ZRANB3: variants seen among roughly 807,000 people sequenced by gnomAD.
ZRANB3 encodes the protein zinc finger RANBP2-type containing 3, also known as DNA annealing helicase and endonuclease ZRANB3.
ZRANB3 carries 125 observed loss-of-function variants against 133.8 expected under a neutral mutation model. That is an observed-to-expected ratio of 0.93 (90% CI 0.81 to 1.08). ZRANB3 has a LOEUF of 1.08. Among genes scored for constraint, ZRANB3 ranks in the 50% least tolerant of loss-of-function variants. The pLI, the probability that ZRANB3 is intolerant of heterozygous loss-of-function variation, is 0.00. For synonymous variants in ZRANB3, 387 were observed against 432.7 expected, an observed-to-expected ratio of 0.89 and a Z score of 1.31; for missense variants, 1,229 against 1,275.5, an observed-to-expected ratio of 0.96 and a Z score of 0.56.
Position 135,227,829 on chromosome 2 carries a change from G to A in ZRANB3, c.2141C>T (p.Thr714Ile), listed in dbSNP as rs1558843472. The change falls in exon 14 of 21, where the codon ACA becomes ATA. Residue 714 changes from threonine (T) to isoleucine (I), a missense_variant. Physicochemically the swap from Thr to Ile is moderately conservative, Grantham distance 89. Transcript: ENST00000264159. ...TPKIEKEDGL[T>I]SQPGNEQWKS... Reference sequence around the variant, plus strand: ...AGACTTACCATTACCTGGCTGGGATGTAAGTCCGTCTTCTTTCTCAATTTT... The same window carrying A: ...AGACTTACCATTACCTGGCTGGGATATAAGTCCGTCTTCTTTCTCAATTTT... 6.4e-7 allele frequency: 1 copy of A among 1,574,750 alleles called. No homozygotes were observed. Among genetic ancestry groups the A allele is most frequent in the South Asian group, 1.2e-5 (1 of 85,628 alleles).
rs541831268 is a variant in ZRANB3, at chr2:135,268,226, G to A, written c.1386+736C>T. Among the ~76,000 whole-genome samples, 7 of 151,882 alleles carry A rather than the reference G, an allele frequency of 4.6e-5. No homozygotes were observed. In the East Asian group the frequency reaches 9.7e-4, roughly 21 times the overall value. ...GCTGGAGTGCAATTGTTGCAATGGT[G>A]CGATCTTAGCTCACTGCAACCTCCA... On this transcript the variant is annotated intron_variant, in intron 11 of 20. Transcript: ENST00000264159.
chr2:135,434,345 A>G (rs1021547492), intron 2 of ZRANB3, among the ~76,000 whole-genome samples: 14 of 152,208 alleles, frequency 9.2e-5, no homozygotes, highest in African/African-American at 3.4e-4. Flanking sequence ...CAAAATGTCA[A>G]TGGAAAGCTA....
At position 135,257,625 on chromosome 2, in the gene ZRANB3, G is replaced by C. The variant is rs115520006; in HGVS notation, c.1539+7909C>G. ...TTATTTTAGTCATCCTAGTGGGTGT[G>C]ATGTGATAATCTCATTGTGGTTTTG... On this transcript the variant is annotated intron_variant, in intron 12 of 20. Transcript: ENST00000264159. 7.7e-3 allele frequency among the ~76,000 whole-genome samples: 1,174 copies of C among 152,230 alleles called. 14 individuals carry two copies. The highest frequency in any genetic ancestry group is 0.026 in the African/African-American group (1,060 of 41,526).
At chr2:135,293,257 C>T (rs1681858011) in intron 8 of ZRANB3, among the ~76,000 whole-genome samples, 1 of 151,956 alleles carries the variant, frequency 6.6e-6, no homozygotes, top group African/African-American at 2.4e-5. Context: ...TGTTTGTATC[C>T]TCTTTTATTT....
In ZRANB3 at chr2:135,438,505, CAAA is replaced by C. The variant is rs1157022707; in HGVS notation, c.162-47688_162-47686del. 5.0e-3 allele frequency among the ~76,000 whole-genome samples: 375 copies of C among 74,876 alleles called. 2 individuals are homozygous for C. Among genetic ancestry groups the C allele is most frequent in the African/African-American group, 0.013 (346 of 25,912 alleles). 49.1% of individuals were successfully genotyped at this position (74,876 alleles called of 152,430 possible). ...GGGTGACAAGAGCAAAACCCCGTCT[CAAA>C]AAAAAAAAAAAAAAAAATTGTTAAT... On this transcript the variant is annotated intron_variant, in intron 2 of 20. Coordinates refer to ENST00000264159, the MANE Select transcript of ZRANB3 (RefSeq NM_032143.4).
chr2:135,530,564 G>A (rs1047973083), intron 1 of ZRANB3: 1 of 152,254 alleles, frequency 6.6e-6, no homozygotes, highest in Non-Finnish European at 1.5e-5. Flanking sequence ...TCCCGCCACA[G>A]GTTTGGGACG....
At chr2:135,475,794 T>G (rs2104785845) in intron 2 of ZRANB3, among the ~76,000 whole-genome samples, 1 of 152,254 alleles carries the variant, frequency 6.6e-6, no homozygotes. Context: ...TATTAAAATT[T>G]TGGCTGGGTG....
At chr2:135,308,668 G>A (rs1682817441) in intron 8 of ZRANB3, among the ~76,000 whole-genome samples, 1 of 151,988 alleles carries the variant, frequency 6.6e-6, no homozygotes, top group Non-Finnish European at 1.5e-5. Context: ...GTCTTCCTCT[G>A]TTACTCAGCC....
chr2:135,354,689 C>T (rs1306184701), intron 3 of ZRANB3, among the ~76,000 whole-genome samples: 1 of 152,122 alleles, frequency 6.6e-6, no homozygotes, highest in Non-Finnish European at 1.5e-5. Flanking sequence ...TCTACATACT[C>T]TATGATTCTA....
intron 14 of ZRANB3, among the ~76,000 whole-genome samples, chr2:135,225,875 G>A (rs546420807): frequency 6.6e-6 from 1 of 152,302 alleles, no homozygotes; most frequent in South Asian, 2.1e-4. Context: ...GGAAGCAAGA[G>A]CTCTGCAAAT....
chr2:135,281,367 CTT>C, intron 8 of ZRANB3, among the ~76,000 whole-genome samples: 1 of 151,224 alleles, frequency 6.6e-6, no homozygotes, highest in East Asian at 1.9e-4. Flanking sequence ...TTTTAAAGCT[CTT>C]TTAATGTCTT....
rs1349758045 is a variant in ZRANB3 at position 135,199,790 on chromosome 2, A to G, written c.*552T>C. The G allele has an allele frequency of 6.5e-6, 1 of 153,078 alleles. No homozygotes were observed. Among genetic ancestry groups the G allele is most frequent in the Non-Finnish European group, 1.5e-5 (1 of 68,730 alleles). 9.5% of individuals were successfully genotyped at this position (153,078 alleles called of 1,614,324 possible). On this transcript the variant is annotated 3_prime_UTR_variant, in exon 21 of 21. Coordinates refer to ENST00000264159, the MANE Select transcript of ZRANB3 (RefSeq NM_032143.4). Reference sequence around the variant, plus strand: ...ATATTTTTGATAAAGATGACTAGCTAAGAAATAAAGCAAGAAAAGCAACAC... The same window carrying G: ...ATATTTTTGATAAAGATGACTAGCTGAGAAATAAAGCAAGAAAAGCAACAC...
intron 5 of ZRANB3, 40 bp from the exon 6 acceptor site, chr2:135,345,675 T>G (rs1488667215): frequency 3.0e-6 from 4 of 1,345,488 alleles, no homozygotes; most frequent in Non-Finnish European, 2.1e-6. Context: ...TGTAATATTT[T>G]CAAGTAAATT....
intron 8 of ZRANB3, among the ~76,000 whole-genome samples, chr2:135,307,007 T>G (rs549549330): frequency 6.6e-5 from 10 of 152,352 alleles, no homozygotes; most frequent in South Asian, 6.2e-4. Context: ...ATTACAGGCA[T>G]GAGCCACTGT....
chr2:135,277,278 CAG>C, intron 8 of ZRANB3, among the ~76,000 whole-genome samples: 1 of 152,290 alleles, frequency 6.6e-6, no homozygotes, highest in South Asian at 2.1e-4. Context: ...ATACTGCTAT[CAG>C]GGGTTTCCCA....
chr2:135,341,650 G>A (rs1393161010), intron 6 of ZRANB3, among the ~76,000 whole-genome samples: 1 of 149,956 alleles, frequency 6.7e-6, no homozygotes, highest in Non-Finnish European at 1.5e-5. Flanking sequence ...CTGAAAACGG[G>A]TAAGAGAAAT....
intron 17 of ZRANB3, among the ~76,000 whole-genome samples, chr2:135,214,314 G>A (rs1455323668): frequency 3.9e-5 from 6 of 152,104 alleles, no homozygotes; most frequent in Non-Finnish European, 2.9e-5. Flanking sequence ...CCCAACTGCT[G>A]CTAGAGCTAG....
At chr2:135,300,106 A>T (rs1682357483) in intron 8 of ZRANB3, among the ~76,000 whole-genome samples, 1 of 152,202 alleles carries the variant, frequency 6.6e-6, no homozygotes. Flanking sequence ...AGTGTTAAAA[A>T]AAAGAATAGA....
intron 2 of ZRANB3, among the ~76,000 whole-genome samples, chr2:135,418,518 A>G (rs1349111337): frequency 6.6e-5 from 10 of 152,216 alleles, no homozygotes; most frequent in African/African-American, 1.2e-4. Context: ...GTATGTCATA[A>G]TAGCCTCAGA....
Sources: gnomAD v4.1 joint callset for allele counts (sites outside exome capture counted in the v4.1 genomes callset) on GRCh38, gnomAD v4.1.1 for gene constraint, MANE v1.5 for transcripts, NCBI Gene and HGNC (gene_info 2026-07-23, HGNC 2026-07-21) for gene names.